DMD: variants seen among roughly 807,000 people sequenced by gnomAD.
DMD encodes mutant dystrophin.
DMD carries 63 observed loss-of-function variants against 330.1 expected under a neutral mutation model. The ratio of observed to expected loss-of-function variants is 0.19; its 90% CI spans 0.16 to 0.24. The LOEUF (loss-of-function observed/expected upper bound fraction) is 0.24. DMD is among the 10% of genes least tolerant of loss of function. DMD has a pLI of 1.00. For missense variants in DMD, 3,344 were observed against 2,684.1 expected, an observed-to-expected ratio of 1.25 and a Z score of -5.43; for synonymous variants, 1,223 against 959.8, an observed-to-expected ratio of 1.27 and a Z score of -5.07.
chrX:32,570,653 CATTTT>C (rs2077063805), intron 15 of DMD, among the ~76,000 whole-genome samples: 2 of 111,497 alleles, frequency 1.8e-5, no homozygotes, highest in South Asian at 7.5e-4. Context: ...TCTTAGTGTT[CATTTT>C]AAGTCTGATA....
chrX:33,095,180 A>T (rs1378711569), intron 1 of DMD, among the ~76,000 whole-genome samples: 3 of 112,731 alleles, frequency 2.7e-5, no homozygotes, highest in African/African-American at 9.7e-5. Context: ...TTGAATATTT[A>T]AACAAAAGCA....
At chrX:32,069,316 A>G (rs2096280476) in intron 44 of DMD, among the ~76,000 whole-genome samples, 1 of 111,830 alleles carries the variant, frequency 8.9e-6, no homozygotes, top group Non-Finnish European at 1.9e-5. Context: ...AATAAAAGCT[A>G]AATCTAAATA....
chrX:31,749,494 T>G (rs1434881577), intron 51 of DMD, among the ~76,000 whole-genome samples: 1 of 106,614 alleles, frequency 9.4e-6, no homozygotes, highest in Non-Finnish European at 1.9e-5. Flanking sequence ...TATGGCTGCA[T>G]AGTATTCCAT....
At chrX:32,394,922 AAAAAAAAAAAAG>A (rs2098032260) in intron 30 of DMD, among the ~76,000 whole-genome samples, 1 of 22,279 alleles carries the variant, frequency 4.5e-5, no homozygotes, top group Non-Finnish European at 9.7e-5. Context: ...AAAACAAAAA[AAAAAAAAAAAAG>A]AAAAGAAATC....
At chrX:31,164,709 C>T (rs778269503) in intron 74 of DMD, among the ~76,000 whole-genome samples, 3 of 111,067 alleles carry the variant, frequency 2.7e-5, no homozygotes, top group South Asian at 7.8e-4. Context: ...TTCAAAGTTA[C>T]CCTCCGCACA....
rs763304480 is a variant in DMD at position 31,966,143 on chromosome X, C to T, written c.6614+2196G>A. ...AATAGGCATCTTATATATTTTTCAC[C>T]GGTGCAATAAATAACTTCTATTCCC... On this transcript the variant is annotated intron_variant, in intron 45 of 78. Transcript: ENST00000357033. 1.4e-4 allele frequency among the ~76,000 whole-genome samples: 15 copies of T among 111,101 alleles called. No individual in the cohort carries two copies. The South Asian group carries it at 3.0e-3, about 22-fold the overall frequency.
At chrX:32,871,787 G>A (rs747523691) in intron 2 of DMD, among the ~76,000 whole-genome samples, 1 of 111,340 alleles carries the variant, frequency 9.0e-6, no homozygotes, top group South Asian at 3.9e-4. Context: ...CCCACTCTGA[G>A]ACTAAGTTTC....
At chrX:33,314,879 C>T (rs1442150141) in intron 1 of DMD, among the ~76,000 whole-genome samples, 2 of 110,666 alleles carry the variant, frequency 1.8e-5, no homozygotes, top group African/African-American at 6.6e-5. Context: ...AGTGCAATGG[C>T]GTGATCTTGG....
intron 62 of DMD, among the ~76,000 whole-genome samples, chrX:31,266,179 A>AAAAAAAAAAAAAAAAC: frequency 9.6e-6 from 1 of 103,634 alleles, no homozygotes; most frequent in Non-Finnish European, 2.0e-5. Context: ...AAAAAAAAAA[A>AAAAAAAAAAAAAAAAC]AAAAGCCCAA....
intron 1 of DMD, among the ~76,000 whole-genome samples, chrX:33,257,533 T>A (rs1256076275): frequency 9.0e-6 from 1 of 111,413 alleles, no homozygotes; most frequent in East Asian, 2.8e-4. Context: ...ATATACGTTA[T>A]TAAATATGCA....
intron 62 of DMD, among the ~76,000 whole-genome samples, chrX:31,296,688 G>A (rs2054213688): frequency 8.9e-6 from 1 of 112,028 alleles, no homozygotes; most frequent in African/African-American, 3.2e-5. Context: ...AAATAACATG[G>A]TTCATAGCTG....
chrX:33,247,923 T>G (rs1472612172), intron 1 of DMD, among the ~76,000 whole-genome samples: 1 of 112,155 alleles, frequency 8.9e-6, no homozygotes, highest in African/African-American at 3.2e-5. Flanking sequence ...CAAATTAAGT[T>G]GGTTATTCAA....
chrX:32,535,466 G>A (rs2047863913), intron 17 of DMD, among the ~76,000 whole-genome samples: 1 of 111,837 alleles, frequency 8.9e-6, no homozygotes, highest in Non-Finnish European at 1.9e-5. Flanking sequence ...TATCTCTGCT[G>A]TGGCTTCTGT....
intron 21 of DMD, among the ~76,000 whole-genome samples, chrX:32,484,139 T>C (rs1026561045): frequency 4.5e-5 from 5 of 111,603 alleles, no homozygotes; most frequent in Middle Eastern, 4.6e-3. Flanking sequence ...ATAATTCCTT[T>C]TGTGTGCACA....
rs769515678 is a variant in DMD, at chrX:32,386,548, C to T, written c.4519-83G>A. 37 of 868,032 alleles carry T rather than the reference C, an allele frequency of 4.3e-5. No individual in the cohort carries two copies. In the African/African-American group the frequency reaches 7.3e-4, roughly 17 times the overall value. 71.5% of individuals were successfully genotyped at this position (868,032 alleles called of 1,213,427 possible). On this transcript the variant is annotated intron_variant, in intron 32 of 78. Transcript: ENST00000357033. ...ATTATGAACAGAAATAAATAGAGATCCCCTTAATTGCTATTCCATGTTTGA... is the reference window on the plus strand; with the variant it reads ...ATTATGAACAGAAATAAATAGAGATTCCCTTAATTGCTATTCCATGTTTGA...
At chrX:31,595,572 C>A (rs1010257474) in intron 55 of DMD, among the ~76,000 whole-genome samples, 1 of 111,224 alleles carries the variant, frequency 9.0e-6, no homozygotes, top group Non-Finnish European at 1.9e-5. Flanking sequence ...AATGACTCCC[C>A]TGAATAAAGT....
intron 9 of DMD, among the ~76,000 whole-genome samples, chrX:32,652,444 T>C (rs1188595574): frequency 9.1e-6 from 1 of 109,684 alleles, no homozygotes; most frequent in Non-Finnish European, 1.9e-5. Context: ...GCTTCATCCA[T>C]GTCCCTACAA....
In DMD at chrX:33,014,766, TTTCAA is replaced by T. The variant is rs59832515; in HGVS notation, c.93+5368_93+5372del. On this transcript the variant is annotated intron_variant, in intron 2 of 78. Transcript: ENST00000357033. ...AAAAAAATTCATAAATATATGCATT[TTTCAA>T]TTCAATTCAGAAAATACATTACATA... Among the ~76,000 whole-genome samples, 10,546 of 110,525 alleles carry T rather than the reference TTTCAA, an allele frequency of 0.095. 738 individuals are homozygous for T. The highest frequency in any genetic ancestry group is 0.22 in the African/African-American group (6,733 of 30,232).
intron 60 of DMD, among the ~76,000 whole-genome samples, chrX:31,421,504 C>T (rs1180803094): frequency 9.0e-6 from 1 of 111,418 alleles, no homozygotes; most frequent in Non-Finnish European, 1.9e-5. Context: ...TTATTATATG[C>T]ATATTCCAGT....
Sources: allele counts gnomAD v4.1 joint callset (sites outside exome capture counted in the v4.1 genomes callset), GRCh38; gene constraint gnomAD v4.1.1; transcripts MANE v1.5; gene names NCBI Gene and HGNC (gene_info 2026-07-23, HGNC 2026-07-21).